The following FHOD3 variants were observed in gnomAD, a reference collection of about 807,000 sequenced individuals.
FHOD3 encodes FH1/FH2 domain-containing protein 3.
In FHOD3, 90 loss-of-function variants were observed where a neutral mutation model predicts 173.0. The ratio of observed to expected loss-of-function variants is 0.52; its 90% CI spans 0.44 to 0.62. The LOEUF is 0.62. FHOD3 is among the 20% of genes least tolerant of loss of function. FHOD3 has a pLI of 0.00. For missense variants in FHOD3, 1,945 were observed against 2,034.7 expected (o/e 0.96, Z 0.85); for synonymous variants, 828 against 823.0 (o/e 1.01, Z -0.10).
At chr18:36,433,726 A>C (rs2147286760) in intron 3 of FHOD3, among the ~76,000 whole-genome samples, 1 of 152,094 alleles carries the variant, frequency 6.6e-6, no homozygotes. Context: ...AAAATATAGG[A>C]CAGGTTGGGT....
chr18:36,664,056 G>A (rs945670381), intron 14 of FHOD3, among the ~76,000 whole-genome samples: 9 of 152,132 alleles, frequency 5.9e-5, no homozygotes, highest in South Asian at 2.1e-4. Context: ...CTTGCTGGCT[G>A]TGTTCTATCA....
At chr18:36,550,996 C>A (rs538512676) in intron 5 of FHOD3, among the ~76,000 whole-genome samples, 7 of 152,172 alleles carry the variant, frequency 4.6e-5, no homozygotes, top group African/African-American at 1.2e-4. Flanking sequence ...TACTCCCCAT[C>A]CTAAAAGAAA....
intron 4 of FHOD3, among the ~76,000 whole-genome samples, chr18:36,508,882 G>A (rs1349424939): frequency 6.6e-6 from 1 of 152,174 alleles, no homozygotes; most frequent in Non-Finnish European, 1.5e-5. Flanking sequence ...ATGGATCTAT[G>A]TGGTGAGCCC....
intron 5 of FHOD3, among the ~76,000 whole-genome samples, chr18:36,531,052 A>C (rs1340328177): frequency 6.6e-6 from 1 of 152,080 alleles, no homozygotes; most frequent in Non-Finnish European, 1.5e-5. Flanking sequence ...TGGACACAGG[A>C]TGTTAGAGCC....
intron 2 of FHOD3, among the ~76,000 whole-genome samples, chr18:36,360,030 G>T (rs2046533620): frequency 6.6e-6 from 1 of 152,236 alleles, no homozygotes; most frequent in African/African-American, 2.4e-5. Flanking sequence ...CTCGATGGAG[G>T]TTTGCCCACA....
intron 3 of FHOD3, among the ~76,000 whole-genome samples, chr18:36,433,077 T>G (rs1555702703): frequency 1.3e-5 from 2 of 152,184 alleles, no homozygotes; most frequent in Non-Finnish European, 2.9e-5. Context: ...CTCCCCTGAT[T>G]AGGTCAGGCT....
At chr18:36,500,789 C>T (rs1338486449) in intron 3 of FHOD3, among the ~76,000 whole-genome samples, 1 of 152,168 alleles carries the variant, frequency 6.6e-6, no homozygotes, top group Non-Finnish European at 1.5e-5. Context: ...CCTAGTGCCT[C>T]GAACTGTACC....
At chr18:36,568,295 A>ACCACTGCACT (rs1197230400) in intron 5 of FHOD3, among the ~76,000 whole-genome samples, 7 of 122,066 alleles carry the variant, frequency 5.7e-5, no homozygotes, top group African/African-American at 1.6e-4. Flanking sequence ...CTGAGATGGC[A>ACCACTGCACT]CCAGCCTGGG....
At chr18:36,340,500 A>G (rs948783154) in intron 1 of FHOD3, among the ~76,000 whole-genome samples, 2 of 151,334 alleles carry the variant, frequency 1.3e-5, no homozygotes, top group Non-Finnish European at 2.9e-5. Context: ...TCTGTGTCTC[A>G]CTTGACCTCT....
At chr18:36,501,560 G>A (rs891803606) in intron 3 of FHOD3, among the ~76,000 whole-genome samples, 4 of 152,206 alleles carry the variant, frequency 2.6e-5, no homozygotes, top group African/African-American at 9.7e-5. Flanking sequence ...TTTATAAACT[G>A]GAAAATAGGG....
At chr18:36,479,928 G>A (rs753183657) in intron 3 of FHOD3, among the ~76,000 whole-genome samples, 4 of 152,132 alleles carry the variant, frequency 2.6e-5, no homozygotes, top group Non-Finnish European at 5.9e-5. Flanking sequence ...TGCAGCTTCA[G>A]GGGGCAGAAT....
chr18:36,500,822 C>T (rs557992793), intron 3 of FHOD3, among the ~76,000 whole-genome samples: 10 of 152,238 alleles, frequency 6.6e-5, no homozygotes, highest in South Asian at 2.1e-4. Context: ...AGTAAACATG[C>T]GTTGGGTGAT....
intron 4 of FHOD3, among the ~76,000 whole-genome samples, chr18:36,506,282 A>G (rs1467470876): frequency 6.6e-6 from 1 of 152,240 alleles, no homozygotes; most frequent in Non-Finnish European, 1.5e-5. Flanking sequence ...TTTGAACAGC[A>G]TGCTAGCAGC....
intron 14 of FHOD3, among the ~76,000 whole-genome samples, chr18:36,674,596 G>A (rs992382963): frequency 6.6e-6 from 1 of 152,042 alleles, no homozygotes; most frequent in African/African-American, 2.4e-5. Flanking sequence ...AATTCCCTTT[G>A]TGGTTCTTCT....
At chr18:36,521,845 G>A (rs920033711) in intron 5 of FHOD3, among the ~76,000 whole-genome samples, 1 of 152,170 alleles carries the variant, frequency 6.6e-6, no homozygotes, top group African/African-American at 2.4e-5. Flanking sequence ...GTGTGTCGGT[G>A]CAGTCCACTG....
At chr18:36,626,030 G>A (rs964431112) in intron 10 of FHOD3, among the ~76,000 whole-genome samples, 20 of 152,198 alleles carry the variant, frequency 1.3e-4, no homozygotes, top group East Asian at 7.7e-4. Context: ...GTTAATATCT[G>A]TTCAGAAAAG....
At chr18:36,603,323 G>A (rs8083409) in intron 8 of FHOD3, among the ~76,000 whole-genome samples, 2,635 of 152,078 alleles carry the variant, frequency 0.017, 87 homozygotes, top group African/African-American at 0.06. Flanking sequence ...CAGTACGGGA[G>A]AAAATCCTTT....
chr18:36,744,527 G>T (rs2042057128), intron 23 of FHOD3, among the ~76,000 whole-genome samples: 1 of 152,198 alleles, frequency 6.6e-6, no homozygotes, highest in African/African-American at 2.4e-5. Flanking sequence ...CTTGTCTTAG[G>T]TGGCAACCAT....
At chr18:36,682,911 T>G (rs1486112355) in intron 15 of FHOD3, among the ~76,000 whole-genome samples, 1 of 152,178 alleles carries the variant, frequency 6.6e-6, no homozygotes, top group Non-Finnish European at 1.5e-5. Context: ...CCAAGAAGTA[T>G]ATGTGTAATT....
Sources: allele counts gnomAD v4.1 joint callset (sites outside exome capture counted in the v4.1 genomes callset), GRCh38; gene constraint gnomAD v4.1.1; transcripts MANE v1.5; gene names NCBI Gene and HGNC (gene_info 2026-07-23, HGNC 2026-07-21).